RRAGD: variants seen among roughly 807,000 people sequenced by gnomAD.
RRAGD encodes the protein ras-related GTP-binding protein D.
Under a neutral mutation model 35.5 loss-of-function variants are expected in RRAGD, and 12 were observed. The ratio of observed to expected loss-of-function variants is 0.34; its 90% confidence interval spans 0.22 to 0.55. RRAGD has a LOEUF of 0.55. RRAGD is among the 20% of genes least tolerant of loss of function. RRAGD has a pLI of 0.91. For synonymous variants in RRAGD, 155 were observed against 178.9 expected, an observed-to-expected ratio of 0.87 and a Z score of 1.07; for missense variants, 324 against 490.1, an observed-to-expected ratio of 0.66 and a Z score of 3.20.
At chr6:89,388,366 G>A (rs1769171820) in intron 1 of RRAGD, among the ~76,000 whole-genome samples, 1 of 152,186 alleles carries the variant, frequency 6.6e-6, no homozygotes, top group Non-Finnish European at 1.5e-5. Context: ...TGTTTAATGG[G>A]TATGTAGTTT....
chr6:89,379,029 G>A (rs1768997278), intron 4 of RRAGD, among the ~76,000 whole-genome samples, 195 bp downstream of exon 4: 1 of 152,238 alleles, frequency 6.6e-6, no homozygotes, highest in South Asian at 2.1e-4. Context: ...CTCCCAAAGT[G>A]GGGCGTGAGC....
chr6:89,379,712 T>C (rs1769010424), intron 3 of RRAGD, among the ~76,000 whole-genome samples: 1 of 151,750 alleles, frequency 6.6e-6, no homozygotes, highest in Non-Finnish European at 1.5e-5. Context: ...GAAGCAACTA[T>C]TTTTTTTCCA....
chr6:89,410,277 T>A (rs1157851911), intron 1 of RRAGD, among the ~76,000 whole-genome samples: 1 of 152,114 alleles, frequency 6.6e-6, no homozygotes, highest in Non-Finnish European at 1.5e-5. Flanking sequence ...CCCCCCCACT[T>A]TTTTTCTTTT....
At position 89,380,195 on chromosome 6, in the gene RRAGD, T is replaced by C. The variant is rs2127887745; in HGVS notation, c.617A>G (p.Asp206Gly). The C allele has an allele frequency of 6.2e-7, 1 of 1,614,272 alleles. No homozygotes were observed. Among genetic ancestry groups the C allele is most frequent in the Non-Finnish European group, 8.5e-7 (1 of 1,180,048 alleles). Residue 206 changes from aspartate to glycine, a missense_variant, in exon 3 of 7, where the codon GAT (aspartate) becomes GGT (glycine). Transcript: ENST00000369415. ...IHQRANDDLA[D>G]AGLEKIHLSF... ...GAGGTGAATTTTTTCTAATCCAGCA[T>C]CTGCAAGGTCATCGTTTGCCCTCTG...
At position 89,412,020 on chromosome 6, in the gene RRAGD, G is replaced by T; in HGVS notation, c.-27C>A. On this transcript the variant is annotated 5_prime_UTR_variant, in exon 1 of 7. Transcript: ENST00000369415. This position sits in a 1 kb window ranked among gnomAD's most constrained non-coding sequence, Gnocchi z 4.2. ...GTGCCCACCGGCCGGCCGGCCCGGG[G>T]ACGGCGGGGGTCCCGGGGTGGGGGC... 6.6e-7 allele frequency: 1 copy of T among 1,520,198 alleles called. No homozygotes were observed. Among genetic ancestry groups the T allele is most frequent in the Non-Finnish European group, 8.8e-7 (1 of 1,138,948 alleles). The allele number at this position is 1,520,198 out of a possible 1,614,324, so 94.2% of individuals were successfully genotyped here. A position where few individuals can be genotyped will look rare whatever the true frequency, so the allele number is the denominator to read the frequency against.
Position 89,410,622 on chromosome 6 carries a change from C to T in RRAGD, c.148+1224G>A, listed in dbSNP as rs1348982734. Reference sequence around the variant, plus strand: ...GCACAAATCATCCCAAGAGAGAAAACGCTATGAAAAAGGGTGACTTGAGAG... The same window carrying T: ...GCACAAATCATCCCAAGAGAGAAAATGCTATGAAAAAGGGTGACTTGAGAG... On this transcript the variant is annotated intron_variant, in intron 1 of 6. Coordinates refer to ENST00000369415, the MANE Select transcript of RRAGD (RefSeq NM_021244.5). Among the ~76,000 whole-genome samples the T allele has an allele frequency of 2.6e-5, 4 of 152,260 alleles. No homozygotes were observed. The East Asian group carries it at 7.7e-4, about 29-fold the overall frequency.
rs1168312082 is a variant in RRAGD at position 89,379,272 on chromosome 6, C to T, written c.711G>A (p.Leu237=). ...TCTCCAGAGTTGGGAGTTGTGGAAT[C>T]AGTTTCTGAACAACTTTGCTAAAAG... is the stretch of plus-strand genomic sequence containing the variant. The part of the protein sequence containing the change: ...FEAFSKVVQK[L]IPQLPTLENL... The change falls in exon 4 of 7, where the codon CTG becomes CTA. Residue 237 remains leucine (L), a synonymous_variant. Coordinates refer to ENST00000369415, the MANE Select transcript of RRAGD (RefSeq NM_021244.5). 6.2e-7 allele frequency: 1 copy of T among 1,604,430 alleles called. No individual in the cohort carries two copies. The highest frequency in any genetic ancestry group is 2.2e-5 in the East Asian group (1 of 44,482).
At chr6:89,386,468 T>C (rs1248400081) in intron 2 of RRAGD, among the ~76,000 whole-genome samples, 1 of 152,154 alleles carries the variant, frequency 6.6e-6, no homozygotes, top group African/African-American at 2.4e-5. Context: ...CTTCAAAGCA[T>C]AGGAAACAGG....
At chr6:89,386,074 A>G (rs1475011692) in intron 2 of RRAGD, among the ~76,000 whole-genome samples, 1 of 152,302 alleles carries the variant, frequency 6.6e-6, no homozygotes, top group Middle Eastern at 3.4e-3. Context: ...CTGTGGGTCC[A>G]CAGTTCCAGG....
chr6:89,375,039 A>G (rs935260232), intron 5 of RRAGD, among the ~76,000 whole-genome samples: 3 of 152,204 alleles, frequency 2.0e-5, no homozygotes, highest in Non-Finnish European at 2.9e-5. Context: ...GATATTAAAC[A>G]CTGTTTATTA....
intron 5 of RRAGD, among the ~76,000 whole-genome samples, chr6:89,372,847 T>A (rs1768876341): frequency 6.6e-6 from 1 of 152,328 alleles, no homozygotes; most frequent in African/African-American, 2.4e-5. Flanking sequence ...AGTTGAAGGA[T>A]GAGGTTAGCT....
chr6:89,404,018 T>C (rs566144696), intron 1 of RRAGD, among the ~76,000 whole-genome samples: 1 of 152,288 alleles, frequency 6.6e-6, no homozygotes, highest in South Asian at 2.1e-4. Context: ...CCTTTTGCCA[T>C]TTTTCCCATA....
chr6:89,394,769 C>T (rs1421618628), intron 1 of RRAGD, among the ~76,000 whole-genome samples: 4 of 151,898 alleles, frequency 2.6e-5, no homozygotes, highest in Non-Finnish European at 4.4e-5. Context: ...TACAAAAATG[C>T]ATTTTAAAAC....
chr6:89,398,110 G>C (rs927758384), intron 1 of RRAGD, among the ~76,000 whole-genome samples: 3 of 151,296 alleles, frequency 2.0e-5, no homozygotes, highest in Non-Finnish European at 2.9e-5. Flanking sequence ...GCGTCACTGC[G>C]CTCCAGCCTG....
chr6:89,372,611 T>C (rs1768872956), intron 5 of RRAGD, 26 bp from the exon 6 acceptor site: 2 of 1,504,556 alleles, frequency 1.3e-6, no homozygotes, highest in South Asian at 2.7e-5. Context: ...AACCAAAACA[T>C]GTGACCATTG....
At chr6:89,384,037 G>C (rs1769093890) in intron 2 of RRAGD, among the ~76,000 whole-genome samples, 1 of 151,438 alleles carries the variant, frequency 6.6e-6, no homozygotes, top group South Asian at 2.1e-4. Flanking sequence ...CAGTTGGCGG[G>C]GATTGCAGTG....
chr6:89,411,873 C>A lies in RRAGD; in HGVS notation c.121G>T (p.Asp41Tyr). Residue 41 changes from aspartate to tyrosine, a missense_variant, in exon 1 of 7, where the codon GAT becomes TAT. Transcript: ENST00000369415. This position sits in a 1 kb window ranked among gnomAD's most constrained non-coding sequence, Gnocchi z 5.6. ...CCCTCCTCTGTGCCGCTGTCCGGAT[C>A]GGCGTCGGAGGAGTCGGGCCCGTCT... The part of the protein sequence containing the change: ...YGDGPDSSDA[D>Y]PDSGTEEGVL... 6.5e-7 allele frequency: 1 copy of A among 1,549,672 alleles called. No homozygotes were observed. Among genetic ancestry groups the A allele is most frequent in the Non-Finnish European group, 8.7e-7 (1 of 1,149,980 alleles).
chr6:89,377,529 G>T, intron 5 of RRAGD, 142 bp downstream of exon 5: 1 of 697,266 alleles, frequency 1.4e-6, no homozygotes, highest in Non-Finnish European at 2.3e-6. Context: ...ATTATTGCAT[G>T]CTAACTGGTA....
At chr6:89,401,379 T>C (rs1030141313) in intron 1 of RRAGD, among the ~76,000 whole-genome samples, 2 of 151,994 alleles carry the variant, frequency 1.3e-5, no homozygotes, top group African/African-American at 4.8e-5. Flanking sequence ...TACCTCAGTC[T>C]CCTGAGTAGC....
Sources: allele counts gnomAD v4.1 joint callset (sites outside exome capture counted in the v4.1 genomes callset), GRCh38; gene constraint gnomAD v4.1.1; non-coding constraint Gnocchi (gnomAD v3.1); transcripts MANE v1.5; gene names NCBI Gene and HGNC (gene_info 2026-07-23, HGNC 2026-07-21).